The following REDIC1 variants were observed in gnomAD, a reference collection of about 807,000 sequenced individuals.
REDIC1 encodes regulator of DNA class I crossover intermediates 1.
At chr12:39,691,040 G>A in the REDIC1 span, among the ~76,000 whole-genome samples, 10 of 152,110 alleles carry the variant, frequency 6.6e-5, no homozygotes, top group Admixed American at 6.5e-4. Context: ...GAGGGGTTAG[G>A]GAAGGGGCTC....
At chr12:39,893,942 C>T in the REDIC1 span, among the ~76,000 whole-genome samples, 15 of 152,072 alleles carry the variant, frequency 9.9e-5, no homozygotes, top group Non-Finnish European at 1.6e-4. Flanking sequence ...TCACAATTAA[C>T]GTGTTAGTAG....
the REDIC1 span, among the ~76,000 whole-genome samples, chr12:39,763,669 A>G: frequency 1.3e-5 from 2 of 152,248 alleles, no homozygotes; most frequent in South Asian, 2.1e-4. Context: ...TGGTCTAAGC[A>G]GCAGGCATTC....
chr12:39,892,727 T>C, the REDIC1 span, among the ~76,000 whole-genome samples: 3 of 152,094 alleles, frequency 2.0e-5, no homozygotes, highest in African/African-American at 2.4e-5. Context: ...AAATAAACAA[T>C]ATCAAATTTG....
chr12:39,840,056 G>T, the REDIC1 span, among the ~76,000 whole-genome samples: 9 of 151,888 alleles, frequency 5.9e-5, no homozygotes, highest in Non-Finnish European at 1.0e-4. Context: ...TTTTGAGACA[G>T]AGTCTCACTC....
At chr12:39,723,273 C>T in the REDIC1 span, among the ~76,000 whole-genome samples, 15 of 152,064 alleles carry the variant, frequency 9.9e-5, no homozygotes, top group Admixed American at 2.6e-4. Context: ...CAGTGTGTTC[C>T]GTGAGTCCTT....
the REDIC1 span, among the ~76,000 whole-genome samples, chr12:39,726,135 T>A: frequency 6.6e-6 from 1 of 151,972 alleles, no homozygotes; most frequent in African/African-American, 2.4e-5. Flanking sequence ...CTCCTCCTCC[T>A]CCTCCTCCTC....
At chr12:39,839,938 C>G in the REDIC1 span, among the ~76,000 whole-genome samples, 1 of 152,144 alleles carries the variant, frequency 6.6e-6, no homozygotes, top group Admixed American at 6.6e-5. Flanking sequence ...AAAACCTGAG[C>G]ATGATTGCAG....
At chr12:39,787,493 T>C in the REDIC1 span, among the ~76,000 whole-genome samples, 1 of 152,178 alleles carries the variant, frequency 6.6e-6, no homozygotes, top group Admixed American at 6.6e-5. Context: ...GAGATTATTT[T>C]TTTCCTTCAG....
the REDIC1 span, among the ~76,000 whole-genome samples, chr12:39,806,498 G>A: frequency 9.9e-5 from 15 of 152,222 alleles, no homozygotes; most frequent in Admixed American, 2.6e-4. Flanking sequence ...GCTTCTATCT[G>A]ATTGCATTTA....
the REDIC1 span, among the ~76,000 whole-genome samples, chr12:39,844,329 T>C: frequency 6.6e-6 from 1 of 152,086 alleles, no homozygotes; most frequent in African/African-American, 2.4e-5. Flanking sequence ...AGCTATGGAG[T>C]CAAAGTTTAA....
At chr12:39,656,605 T>C in the REDIC1 span, among the ~76,000 whole-genome samples, 1 of 152,196 alleles carries the variant, frequency 6.6e-6, no homozygotes, top group Non-Finnish European at 1.5e-5. Context: ...TAAAACAGGC[T>C]CAGGCAGGGC....
At chr12:39,875,535 G>A in the REDIC1 span, among the ~76,000 whole-genome samples, 6 of 152,154 alleles carry the variant, frequency 3.9e-5, no homozygotes, top group African/African-American at 1.4e-4. Context: ...GTATGTCCTT[G>A]GGGGGACCAT....
chr12:39,838,087 A>T, the REDIC1 span, among the ~76,000 whole-genome samples: 2 of 148,638 alleles, frequency 1.3e-5, no homozygotes, highest in South Asian at 2.2e-4. Context: ...ACTTGGAACC[A>T]ACCCAAATGT....
the REDIC1 span, among the ~76,000 whole-genome samples, chr12:39,881,420 C>T: frequency 2.0e-5 from 3 of 152,062 alleles, no homozygotes; most frequent in African/African-American, 7.2e-5. Flanking sequence ...TGCATCATTT[C>T]CTCACGACTG....
the REDIC1 span, among the ~76,000 whole-genome samples, chr12:39,766,065 C>G: frequency 6.6e-6 from 1 of 152,032 alleles, no homozygotes; most frequent in African/African-American, 2.4e-5. Context: ...TTATAGTTTC[C>G]TTGATTTGGA....
the REDIC1 span, among the ~76,000 whole-genome samples, chr12:39,741,801 G>C: frequency 6.6e-6 from 1 of 152,154 alleles, no homozygotes; most frequent in African/African-American, 2.4e-5. Context: ...AAGGAGTAAG[G>C]CTCTGTCTAA....
the REDIC1 span, among the ~76,000 whole-genome samples, chr12:39,661,340 G>C: frequency 6.6e-6 from 1 of 151,900 alleles, no homozygotes; most frequent in East Asian, 1.9e-4. Context: ...TTTGATAATA[G>C]CCATTCTAAC....
At chr12:39,739,749 C>T in the REDIC1 span, among the ~76,000 whole-genome samples, 2 of 152,322 alleles carry the variant, frequency 1.3e-5, no homozygotes, top group African/African-American at 4.8e-5. Flanking sequence ...TCTATATTCA[C>T]ATCTCGTAAA....
At chr12:39,758,810 A>T in the REDIC1 span, 1 of 151,942 alleles carries the variant, frequency 6.6e-6, no homozygotes, top group Non-Finnish European at 1.5e-5. Flanking sequence ...TTTCTGGTAA[A>T]TTCTCAGGAA....
Sources: gnomAD v4.1 joint callset for allele counts (sites outside exome capture counted in the v4.1 genomes callset) on GRCh38, gnomAD v4.1.1 for gene constraint, MANE v1.5 for transcripts, NCBI Gene and HGNC (gene_info 2026-07-23, HGNC 2026-07-21) for gene names.